The following ITGA9 variants were observed in gnomAD, a reference collection of about 807,000 sequenced individuals.
The protein encoded by ITGA9 is integrin subunit alpha 9, also known as integrin alpha-9.
In ITGA9, 56 loss-of-function variants were observed where a neutral mutation model predicts 127.8. That is an observed-to-expected ratio of 0.44 (90% CI 0.35 to 0.55). The LOEUF is 0.55. Among genes scored for constraint, ITGA9 ranks in the 20% least tolerant of loss-of-function variants. ITGA9 has a pLI of 0.00. For missense variants in ITGA9, 1,196 were observed against 1,347.1 expected (o/e 0.89, Z 1.76); for synonymous variants, 508 against 514.5 (o/e 0.99, Z 0.17).
chr3:37,512,008 CTTTTCTTTTCTTTTCTTTTCTTT>C lies in ITGA9; in HGVS notation c.898-1754_898-1732del, dbSNP rs1420773854. On this transcript the variant is annotated intron_variant, in intron 8 of 27. Transcript: ENST00000264741. ...CTTTTCTTTTCTTTTCTTTTCTTTT[CTTTTCTTTTCTTTTCTTTTCTTT>C]CTTTCTTTCTTTCTTTCTTTCTTTC... 2.3e-3 allele frequency among the ~76,000 whole-genome samples: 78 copies of C among 33,198 alleles called. 8 individuals are homozygous for C. Among genetic ancestry groups the C allele is most frequent in the Middle Eastern group, 0.02 (2 of 100 alleles). The allele number at this position is 33,198 out of a possible 152,430, so 21.8% of individuals were successfully genotyped here. A position where few individuals can be genotyped will look rare whatever the true frequency, so the allele number is the denominator to read the frequency against.
At chr3:37,713,324 C>T (rs537723590) in intron 18 of ITGA9, among the ~76,000 whole-genome samples, 105 of 152,230 alleles carry the variant, frequency 6.9e-4, no homozygotes, top group Admixed American at 1.6e-3. Context: ...GATTTAAGCA[C>T]AGCATTCTTT....
At chr3:37,477,817 T>TA (rs1187443334) in intron 3 of ITGA9, among the ~76,000 whole-genome samples, 1 of 152,210 alleles carries the variant, frequency 6.6e-6, no homozygotes, top group African/African-American at 2.4e-5. Context: ...GCTTCTAGAT[T>TA]ATTTTTGTGC....
chr3:37,524,953 C>A (rs1699078212), intron 12 of ITGA9, among the ~76,000 whole-genome samples: 1 of 152,202 alleles, frequency 6.6e-6, no homozygotes, highest in African/African-American at 2.4e-5. Flanking sequence ...AAAATTGATA[C>A]AACACCCAAG....
intron 15 of ITGA9, among the ~76,000 whole-genome samples, chr3:37,616,220 G>T (rs1343254521): frequency 6.6e-6 from 1 of 152,096 alleles, no homozygotes; most frequent in Non-Finnish European, 1.5e-5. Flanking sequence ...ATTTTGTTAT[G>T]TACCCAGTAG....
intron 15 of ITGA9, among the ~76,000 whole-genome samples, chr3:37,545,733 G>T (rs1419973113): frequency 6.6e-6 from 1 of 152,118 alleles, no homozygotes; most frequent in Non-Finnish European, 1.5e-5. Flanking sequence ...AGCCAGTCAG[G>T]CTGGAGGCCT....
intron 8 of ITGA9, among the ~76,000 whole-genome samples, chr3:37,513,499 A>T (rs1057123040): frequency 6.6e-6 from 1 of 152,066 alleles, no homozygotes; most frequent in Non-Finnish European, 1.5e-5. Flanking sequence ...GGTTTGTTAC[A>T]TATGTATACA....
chr3:37,572,481 G>A (rs1303666071), intron 15 of ITGA9, among the ~76,000 whole-genome samples: 1 of 152,092 alleles, frequency 6.6e-6, no homozygotes, highest in Non-Finnish European at 1.5e-5. Flanking sequence ...TGACCTCCCT[G>A]CACTTCAATT....
intron 23 of ITGA9, among the ~76,000 whole-genome samples, chr3:37,768,067 C>G (rs562875690): frequency 6.6e-6 from 1 of 152,160 alleles, no homozygotes; most frequent in Non-Finnish European, 1.5e-5. Context: ...ATTACAGGGT[C>G]TTGAAATGAA....
At chr3:37,817,036 A>T (rs1280537940) in intron 27 of ITGA9, among the ~76,000 whole-genome samples, 1 of 152,226 alleles carries the variant, frequency 6.6e-6, no homozygotes, top group Non-Finnish European at 1.5e-5. Context: ...AGATGGTGGC[A>T]ACAGACAGCT....
intron 15 of ITGA9, among the ~76,000 whole-genome samples, chr3:37,614,451 CT>C (rs1464058833): frequency 1.3e-5 from 2 of 151,926 alleles, no homozygotes; most frequent in Non-Finnish European, 2.9e-5. Context: ...GATGCGGGCT[CT>C]TTTTTGGTTC....
Position 37,690,974 on chromosome 3 carries a change from G to A in ITGA9, c.2067+6959G>A, listed in dbSNP as rs77370335. On this transcript the variant is annotated intron_variant, in intron 18 of 27. Transcript: ENST00000264741. ...TTCCTGCAGGGCAACACTAGGAAGA[G>A]TAAGGGAGCTGGGGGTTTTATACTC... Among the ~76,000 whole-genome samples, 145 of 152,316 alleles carry A rather than the reference G, an allele frequency of 9.5e-4. No homozygotes were observed. The East Asian group carries it at 0.024, about 25-fold the overall frequency.
At chr3:37,595,960 A>G (rs948283684) in intron 15 of ITGA9, among the ~76,000 whole-genome samples, 1 of 152,216 alleles carries the variant, frequency 6.6e-6, no homozygotes, top group African/African-American at 2.4e-5. Flanking sequence ...TCATTGATTC[A>G]TCAGGTCAGT....
chr3:37,467,277 G>T (rs780381075), intron 1 of ITGA9, among the ~76,000 whole-genome samples: 5 of 152,192 alleles, frequency 3.3e-5, no homozygotes, highest in Non-Finnish European at 7.3e-5. Flanking sequence ...CATCTGACCA[G>T]CTGATCAGAA....
At chr3:37,618,151 G>C (rs564733079) in intron 15 of ITGA9, among the ~76,000 whole-genome samples, 5 of 152,120 alleles carry the variant, frequency 3.3e-5, no homozygotes, top group Admixed American at 3.3e-4. Context: ...GTGTGGATGT[G>C]CTTTCTGTTT....
At chr3:37,618,902 G>A (rs1700101249) in intron 15 of ITGA9, among the ~76,000 whole-genome samples, 1 of 152,172 alleles carries the variant, frequency 6.6e-6, no homozygotes, top group African/African-American at 2.4e-5. Flanking sequence ...CTGACCCCTT[G>A]TGCTTCCCAG....
At chr3:37,559,900 G>T (rs1011567099) in intron 15 of ITGA9, among the ~76,000 whole-genome samples, 3 of 152,188 alleles carry the variant, frequency 2.0e-5, no homozygotes, top group Admixed American at 2.0e-4. Flanking sequence ...AAACTCAAGA[G>T]CAGCACTGTC....
intron 23 of ITGA9, among the ~76,000 whole-genome samples, chr3:37,767,655 G>A (rs952207039): frequency 1.3e-5 from 2 of 152,134 alleles, no homozygotes; most frequent in Admixed American, 6.5e-5. Flanking sequence ...CCTCATATTA[G>A]CCTAGCTTAT....
At chr3:37,598,122 C>T (rs1305803179) in intron 15 of ITGA9, among the ~76,000 whole-genome samples, 1 of 152,218 alleles carries the variant, frequency 6.6e-6, no homozygotes, top group Admixed American at 6.5e-5. Flanking sequence ...ATTTATCTCA[C>T]TGGGTAGTCA....
rs577668849 is a variant in ITGA9, at chr3:37,475,327, C to T, written c.420+1867C>T. Among the ~76,000 whole-genome samples, 323 of 152,354 alleles carry T rather than the reference C, an allele frequency of 2.1e-3. 3 individuals are homozygous for T. Among genetic ancestry groups the T allele is most frequent in the African/African-American group, 6.1e-3 (254 of 41,572 alleles). On this transcript the variant is annotated intron_variant, in intron 3 of 27. Transcript: ENST00000264741. ...TAACACAAGATGCTCTTAAGGGCAT[C>T]GAGCCTAGAGTCAGAGTTTGCTCCT...
Sources: gnomAD v4.1 joint callset for allele counts (sites outside exome capture counted in the v4.1 genomes callset) on GRCh38, gnomAD v4.1.1 for gene constraint, MANE v1.5 for transcripts, NCBI Gene and HGNC (gene_info 2026-07-23, HGNC 2026-07-21) for gene names.